COMMD10: variants seen among roughly 807,000 people sequenced by gnomAD.
The protein encoded by COMMD10 is COMM domain containing 10, also known as COMM domain-containing protein 10.
Under a neutral mutation model 28.9 loss-of-function variants are expected in COMMD10, and 33 were observed. The ratio of observed to expected loss-of-function variants is 1.14; its 90% CI spans 0.87 to 1.53. COMMD10 has a LOEUF of 1.53. Among genes scored for constraint, COMMD10 ranks in the 40% most tolerant of loss-of-function variants. The probability of loss-of-function intolerance (pLI) is 0.00; values close to 1 mark genes in which losing one functional copy is unlikely to be tolerated. For synonymous variants in COMMD10, 110 were observed against 81.7 expected (o/e 1.35, Z -1.87); for missense variants, 310 against 233.4 (o/e 1.33, Z -2.14).
chr5:116,179,458 C>T (rs1443928049), intron 5 of COMMD10, among the ~76,000 whole-genome samples: 1 of 151,964 alleles, frequency 6.6e-6, no homozygotes, highest in African/African-American at 2.4e-5. Flanking sequence ...TACCCACGAG[C>T]CTGTGTGGAA....
At chr5:116,100,884 C>A (rs1188209899) in intron 4 of COMMD10, among the ~76,000 whole-genome samples, 1 of 152,108 alleles carries the variant, frequency 6.6e-6, no homozygotes, top group Non-Finnish European at 1.5e-5. Flanking sequence ...TCATTATCCA[C>A]CCTCGCAGCA....
intron 5 of COMMD10, among the ~76,000 whole-genome samples, chr5:116,134,864 A>G (rs1357095270): frequency 1.3e-5 from 2 of 150,656 alleles, no homozygotes; most frequent in Non-Finnish European, 3.0e-5. Flanking sequence ...CTTGTGATCC[A>G]CCCCCCTCAG....
chr5:116,104,946 C>A (rs867604665), intron 4 of COMMD10, among the ~76,000 whole-genome samples: 1 of 152,132 alleles, frequency 6.6e-6, no homozygotes, highest in Non-Finnish European at 1.5e-5. Flanking sequence ...AATATCCTTT[C>A]TTTCTTTCTC....
Position 116,085,039 on chromosome 5 carries a change from C to G in COMMD10, c.-14C>G. 2 of 1,605,342 alleles carry G rather than the reference C, an allele frequency of 1.2e-6. No homozygotes were observed. The highest frequency in any genetic ancestry group is 1.7e-6 in the Non-Finnish European group (2 of 1,177,540). On this transcript the variant is annotated 5_prime_UTR_variant, in exon 1 of 7. Transcript: ENST00000274458. Reference sequence around the variant, plus strand: ...GCGCAGCTAACAGACGGCGGCAGTGCGAGAAAGCCGAAGATGGCGGTCCCC... The same window carrying G: ...GCGCAGCTAACAGACGGCGGCAGTGGGAGAAAGCCGAAGATGGCGGTCCCC...
chr5:116,160,839 G>T (rs1423577106), intron 5 of COMMD10, among the ~76,000 whole-genome samples: 1 of 152,128 alleles, frequency 6.6e-6, no homozygotes, highest in Non-Finnish European at 1.5e-5. Flanking sequence ...CTGCCTCTCT[G>T]TTACGGGAAG....
chr5:116,212,338 C>G (rs1748987690), intron 5 of COMMD10, among the ~76,000 whole-genome samples: 1 of 152,086 alleles, frequency 6.6e-6, no homozygotes, highest in Admixed American at 6.6e-5. Context: ...ATCCTTTTAT[C>G]TTTTGAAGAA....
At chr5:116,206,460 G>A (rs1748815927) in intron 5 of COMMD10, among the ~76,000 whole-genome samples, 1 of 152,130 alleles carries the variant, frequency 6.6e-6, no homozygotes, top group Non-Finnish European at 1.5e-5. Context: ...AGACCAGCCT[G>A]GCTAACATGG....
chr5:116,122,209 G>A (rs1007894162), intron 4 of COMMD10, among the ~76,000 whole-genome samples: 1 of 152,296 alleles, frequency 6.6e-6, no homozygotes, highest in East Asian at 1.9e-4. Flanking sequence ...TGGCTAGCCT[G>A]TTTTCCCAGC....
intron 5 of COMMD10, among the ~76,000 whole-genome samples, chr5:116,263,359 C>T (rs978555557): frequency 1.3e-5 from 2 of 151,720 alleles, no homozygotes; most frequent in Non-Finnish European, 1.5e-5. Context: ...TTCAATCTGA[C>T]TCTGGCATAA....
intron 5 of COMMD10, among the ~76,000 whole-genome samples, chr5:116,169,105 A>T (rs1042230277): frequency 5.9e-5 from 9 of 152,216 alleles, no homozygotes; most frequent in Non-Finnish European, 1.2e-4. Context: ...CTCTAGCCAC[A>T]CTAATAAAGA....
At chr5:116,153,953 G>A (rs1363020784) in intron 5 of COMMD10, among the ~76,000 whole-genome samples, 1 of 152,000 alleles carries the variant, frequency 6.6e-6, no homozygotes, top group Non-Finnish European at 1.5e-5. Context: ...TAGAGAATTA[G>A]AGAATTTAGG....
chr5:116,133,787 T>G (rs1161059299), intron 4 of COMMD10, among the ~76,000 whole-genome samples: 1 of 152,178 alleles, frequency 6.6e-6, no homozygotes, highest in East Asian at 1.9e-4. Context: ...CATTGGCTCT[T>G]TTAATATATT....
intron 4 of COMMD10, among the ~76,000 whole-genome samples, chr5:116,117,247 C>T (rs1751270862): frequency 6.6e-6 from 1 of 151,920 alleles, no homozygotes; most frequent in Non-Finnish European, 1.5e-5. Flanking sequence ...GTGTTCAAGT[C>T]ATTTTATGGA....
chr5:116,101,925 C>T (rs542210888), intron 4 of COMMD10, among the ~76,000 whole-genome samples: 1 of 152,054 alleles, frequency 6.6e-6, no homozygotes, highest in African/African-American at 2.4e-5. Context: ...TGTTGTTGTT[C>T]AGTTGTTTGG....
At chr5:116,177,187 T>G (rs7703124) in intron 5 of COMMD10, among the ~76,000 whole-genome samples, 47,110 of 151,866 alleles carry the variant, frequency 0.31, 10,220 homozygotes, top group African/African-American at 0.62. Context: ...GTGGACAAAG[T>G]GTCTTAATGG....
chr5:116,140,297 A>G (rs1752159544), intron 5 of COMMD10, among the ~76,000 whole-genome samples: 1 of 150,952 alleles, frequency 6.6e-6, no homozygotes, highest in African/African-American at 2.5e-5. Flanking sequence ...ATATATATGT[A>G]CACATATGGA....
chr5:116,253,072 G>C (rs1207976362), intron 5 of COMMD10, among the ~76,000 whole-genome samples: 1 of 74,096 alleles, frequency 1.3e-5, no homozygotes, highest in Non-Finnish European at 4.0e-5. Context: ...ATTGTGAATG[G>C]GAGTTCACTC....
intron 5 of COMMD10, among the ~76,000 whole-genome samples, chr5:116,249,318 G>C (rs1367388723): frequency 1.3e-5 from 2 of 151,896 alleles, no homozygotes; most frequent in African/African-American, 4.8e-5. Flanking sequence ...TCTTTCATCT[G>C]TTGGATATCT....
At chr5:116,129,005 CTCTTT>C (rs1162798864) in intron 4 of COMMD10, among the ~76,000 whole-genome samples, 2 of 151,896 alleles carry the variant, frequency 1.3e-5, no homozygotes, top group African/African-American at 4.8e-5. Context: ...TGTATCACTA[CTCTTT>C]TCTTTTATAA....
Sources: allele counts gnomAD v4.1 joint callset (sites outside exome capture counted in the v4.1 genomes callset), GRCh38; gene constraint gnomAD v4.1.1; transcripts MANE v1.5; gene names NCBI Gene and HGNC (gene_info 2026-07-23, HGNC 2026-07-21).